C12orf42: variants seen among roughly 807,000 people sequenced by gnomAD.
The protein encoded by C12orf42 is uncharacterized protein C12orf42.
Under a neutral mutation model 21.6 loss-of-function variants are expected in C12orf42, and 25 were observed. The ratio of observed to expected loss-of-function variants is 1.16; its 90% CI spans 0.84 to 1.62. The LOEUF (loss-of-function observed/expected upper bound fraction) is 1.62. C12orf42 is among the 40% of genes most tolerant of loss of function. C12orf42 has a pLI of 0.00. For missense variants in C12orf42, 483 were observed against 459.3 expected (o/e 1.05, Z -0.47); for synonymous variants, 174 against 175.0 (o/e 0.99, Z 0.05).
intron 4 of C12orf42, among the ~76,000 whole-genome samples, chr12:103,287,802 GA>G (rs1347063021): frequency 6.6e-6 from 1 of 151,746 alleles, no homozygotes; most frequent in East Asian, 1.9e-4. Context: ...CACACAGAGA[GA>G]GAAAGAGAGA....
At chr12:103,333,697 CA>C (rs2041444621) in intron 4 of C12orf42, among the ~76,000 whole-genome samples, 2 of 151,834 alleles carry the variant, frequency 1.3e-5, no homozygotes, top group Non-Finnish European at 2.9e-5. Flanking sequence ...GTACTAGAAC[CA>C]AATTTTCAGA....
intron 2 of C12orf42, among the ~76,000 whole-genome samples, chr12:103,454,363 T>C (rs182371124): frequency 6.6e-6 from 1 of 152,220 alleles, no homozygotes; most frequent in Non-Finnish European, 1.5e-5. Context: ...AAATTCATGA[T>C]AATAATCTTA....
At chr12:103,389,532 T>C (rs560627546) in intron 3 of C12orf42, among the ~76,000 whole-genome samples, 1 of 152,344 alleles carries the variant, frequency 6.6e-6, no homozygotes, top group South Asian at 2.1e-4. Context: ...ATTTGATGTC[T>C]TTCTTCTGAA....
chr12:103,502,587 A>C, the C12orf42 span, among the ~76,000 whole-genome samples: 1 of 152,144 alleles, frequency 6.6e-6, no homozygotes, highest in Non-Finnish European at 1.5e-5. Context: ...TTCTGGTCTC[A>C]GCACAAACCA....
At chr12:103,078,884 C>T in the C12orf42 span, among the ~76,000 whole-genome samples, 3 of 152,142 alleles carry the variant, frequency 2.0e-5, no homozygotes, top group African/African-American at 4.8e-5. Context: ...CTATACTATG[C>T]TTTATTTGAC....
At chr12:103,242,454 G>A (rs924480779) in intron 10 of C12orf42, among the ~76,000 whole-genome samples, 2 of 152,086 alleles carry the variant, frequency 1.3e-5, no homozygotes, top group Non-Finnish European at 2.9e-5. Flanking sequence ...TGGTTTGAAC[G>A]AAAAGTTTAT....
the C12orf42 span, among the ~76,000 whole-genome samples, chr12:103,222,527 C>G: frequency 1.7e-4 from 26 of 152,262 alleles, no homozygotes; most frequent in South Asian, 4.1e-4. Flanking sequence ...GTGCAAGTCA[C>G]AGGGGATGCG....
At chr12:103,210,639 CTTTTTT>C in the C12orf42 span, among the ~76,000 whole-genome samples, 2 of 77,674 alleles carry the variant, frequency 2.6e-5, no homozygotes, top group Non-Finnish European at 2.6e-5. Flanking sequence ...CCCTCTATTT[CTTTTTT>C]TTTTTTTTTT....
the C12orf42 span, among the ~76,000 whole-genome samples, chr12:103,201,200 A>G: frequency 6.6e-6 from 1 of 152,160 alleles, no homozygotes; most frequent in Non-Finnish European, 1.5e-5. Flanking sequence ...CCAGTATTGA[A>G]GTTTTTGGTG....
chr12:103,385,028 A>ATT (rs1256460644), intron 3 of C12orf42, among the ~76,000 whole-genome samples: 1 of 152,190 alleles, frequency 6.6e-6, no homozygotes, highest in Non-Finnish European at 1.5e-5. Flanking sequence ...TCAGGTAAAA[A>ATT]TGCTCGTCAA....
At chr12:103,457,778 G>T (rs1472833431) in intron 2 of C12orf42, among the ~76,000 whole-genome samples, 1 of 152,102 alleles carries the variant, frequency 6.6e-6, no homozygotes. Context: ...TGCCCTCCTG[G>T]CAGGGGGTGG....
the C12orf42 span, among the ~76,000 whole-genome samples, chr12:103,190,026 A>G: frequency 6.6e-6 from 1 of 152,046 alleles, no homozygotes; most frequent in African/African-American, 2.4e-5. Flanking sequence ...TATTTGGGAG[A>G]ATTGGCTCAC....
At chr12:103,333,119 C>A (rs758859114) in intron 4 of C12orf42, among the ~76,000 whole-genome samples, 2 of 152,196 alleles carry the variant, frequency 1.3e-5, no homozygotes, top group Admixed American at 6.5e-5. Context: ...GCAGGTTCTA[C>A]ATCTCATTAC....
chr12:103,198,401 A>T, the C12orf42 span, among the ~76,000 whole-genome samples: 1 of 152,120 alleles, frequency 6.6e-6, no homozygotes, highest in Non-Finnish European at 1.5e-5. Flanking sequence ...CGGCAGACAG[A>T]TTGGTGCTCA....
the C12orf42 span, among the ~76,000 whole-genome samples, chr12:103,148,854 T>G: frequency 6.6e-6 from 1 of 152,090 alleles, no homozygotes; most frequent in Non-Finnish European, 1.5e-5. Flanking sequence ...CTAGAGAAAC[T>G]CTAGAACAAG....
At chr12:103,436,603 T>C (rs1252151555) in intron 2 of C12orf42, among the ~76,000 whole-genome samples, 1 of 150,478 alleles carries the variant, frequency 6.6e-6, no homozygotes, top group African/African-American at 2.4e-5. Flanking sequence ...GTTGCAATCC[T>C]AGTCTCTGAT....
the C12orf42 span, among the ~76,000 whole-genome samples, chr12:103,179,208 G>T: frequency 3.4e-4 from 52 of 152,318 alleles, no homozygotes; most frequent in Middle Eastern, 3.4e-3. Flanking sequence ...CACTCTGCTA[G>T]ATTCTGGAGA....
At chr12:103,451,265 T>C (rs1045533571) in intron 2 of C12orf42, among the ~76,000 whole-genome samples, 4 of 152,072 alleles carry the variant, frequency 2.6e-5, no homozygotes, top group Non-Finnish European at 2.9e-5. Flanking sequence ...CTCACTCTGT[T>C]GCCCAGGCTG....
chr12:103,137,485 A>G, the C12orf42 span, among the ~76,000 whole-genome samples: 1 of 152,162 alleles, frequency 6.6e-6, no homozygotes, highest in African/African-American at 2.4e-5. Context: ...AAATAGAACT[A>G]CCATACAATC....
Sources: allele counts gnomAD v4.1 joint callset (sites outside exome capture counted in the v4.1 genomes callset), GRCh38; gene constraint gnomAD v4.1.1; transcripts MANE v1.5; gene names NCBI Gene and HGNC (gene_info 2026-07-23, HGNC 2026-07-21).